The following FBXL2 variants were observed in gnomAD, a reference collection of about 807,000 sequenced individuals.
FBXL2 encodes the protein F-box and leucine rich repeat protein 2, also known as F-box/LRR-repeat protein 2.
FBXL2 carries 38 observed loss-of-function variants against 69.2 expected under a neutral mutation model. The ratio of observed to expected loss-of-function variants is 0.55; its 90% CI spans 0.42 to 0.72. The LOEUF (loss-of-function observed/expected upper bound fraction) is 0.72. Ranked by LOEUF, FBXL2 falls within the 30% of genes least tolerant of loss-of-function variation. FBXL2 has a pLI of 0.00. For missense variants in FBXL2, 354 were observed against 520.3 expected (o/e 0.68, Z 3.11); for synonymous variants, 192 against 201.3 (o/e 0.95, Z 0.39).
chr3:33,380,171 G>A (rs1449779321), intron 13 of FBXL2, among the ~76,000 whole-genome samples: 2 of 146,622 alleles, frequency 1.4e-5, no homozygotes, highest in Non-Finnish European at 3.0e-5. Flanking sequence ...GTTGCAGTGA[G>A]CCAAGGTCAC....
At chr3:33,414,074 T>TAAATACTAA in the FBXL2 span, 3 of 146,464 alleles carry the variant, frequency 2.0e-5, no homozygotes, top group Non-Finnish European at 4.5e-5. Flanking sequence ...AGCCCCATTC[T>TAAATACTAA]AGAAGGTTGG....
Position 33,277,464 on chromosome 3 carries a change from C to T in FBXL2, c.-49C>T. ...GGCGTCACCAGGACAACGGGCGTCG[C>T]CGGCGCCGTGTGACTTCGGGCTGTG... On this transcript the variant is annotated 5_prime_UTR_variant, in exon 1 of 15. Transcript: ENST00000484457. 1.6e-6 allele frequency: 2 copies of T among 1,268,728 alleles called. No homozygotes were observed. The highest frequency in any genetic ancestry group is 2.0e-6 in the Non-Finnish European group (2 of 1,000,434). The allele number at this position is 1,268,728 out of a possible 1,614,324, so 78.6% of individuals were successfully genotyped here.
At chr3:33,321,359 CA>C (rs1314251672) in intron 2 of FBXL2, among the ~76,000 whole-genome samples, 11 of 150,270 alleles carry the variant, frequency 7.3e-5, no homozygotes. Flanking sequence ...GAAAAATGTG[CA>C]AAAAGCATTA....
rs1193302506 is a variant in FBXL2 at position 33,385,799 on chromosome 3, C to G, written c.*191C>G. The G allele has an allele frequency of 1.7e-6, 1 of 592,696 alleles. No homozygotes were observed. The highest frequency in any genetic ancestry group is 3.0e-6 in the Non-Finnish European group (1 of 332,122). The allele number at this position is 592,696 out of a possible 1,614,324, so 36.7% of individuals were successfully genotyped here. On this transcript the variant is annotated 3_prime_UTR_variant, in exon 15 of 15. Coordinates refer to ENST00000484457, the MANE Select transcript of FBXL2 (RefSeq NM_012157.5). Reference sequence around the variant, plus strand: ...CACCTTTATTCTGCTGTGAAACAATCAAATCAAAGCCTTGTGTCAGTTAAC... The same window carrying G: ...CACCTTTATTCTGCTGTGAAACAATGAAATCAAAGCCTTGTGTCAGTTAAC...
chr3:33,412,921 G>A, the FBXL2 span: 26 of 792,352 alleles, frequency 3.3e-5, no homozygotes, highest in Non-Finnish European at 5.8e-5. Flanking sequence ...TGTAGCAGTA[G>A]AACACATACA....
intron 5 of FBXL2, among the ~76,000 whole-genome samples, chr3:33,371,091 A>T (rs1227526838): frequency 6.6e-6 from 1 of 151,262 alleles, no homozygotes; most frequent in Admixed American, 6.6e-5. Context: ...CAAGTTCACT[A>T]ATCTTTTCTT....
At chr3:33,372,679 A>G in intron 5 of FBXL2, 1 of 228,806 alleles carries the variant, frequency 4.4e-6, no homozygotes, top group East Asian at 1.0e-4. Flanking sequence ...CTCTAGGGTA[A>G]GCAAGTGACA....
In FBXL2 at chr3:33,377,299, A is replaced by G. The variant is rs150743589; in HGVS notation, c.815A>G (p.His272Arg). 37 of 1,614,148 alleles carry G rather than the reference A, an allele frequency of 2.3e-5. No individual in the cohort carries two copies. The Admixed American group carries it at 5.2e-4, about 23-fold the overall frequency. Residue 272 changes from histidine to arginine, a missense_variant, in exon 11 of 15, where the codon CAT (histidine) becomes CGT (arginine). Transcript: ENST00000484457. ...ATTTTGGAGGCTGCCCGATGCTCCC[A>G]TTTGACTGACGCAGGTTTTACACTT... Reference protein sequence around the residue: ...LQILEAARCSHLTDAGFTLLA... With the variant: ...LQILEAARCSRLTDAGFTLLA...
chr3:33,340,159 CAG>C (rs969918765), intron 2 of FBXL2, among the ~76,000 whole-genome samples: 6 of 152,128 alleles, frequency 3.9e-5, no homozygotes, highest in African/African-American at 1.2e-4. Context: ...AAAGGCAAAA[CAG>C]AATCTTTTGG....
the FBXL2 span, chr3:33,408,873 C>T: frequency 7.8e-7 from 1 of 1,275,600 alleles, no homozygotes; most frequent in Non-Finnish European, 1.1e-6. Context: ...TTTCATGTCT[C>T]TTCAGTCCAA....
intron 12 of FBXL2, chr3:33,396,332 C>T: frequency 2.9e-6 from 4 of 1,368,550 alleles, no homozygotes; most frequent in Non-Finnish European, 4.1e-6. Flanking sequence ...CTGCCTTACA[C>T]ATGTACAAAT....
chr3:33,279,366 G>C (rs1410393440), intron 1 of FBXL2, among the ~76,000 whole-genome samples: 1 of 152,100 alleles, frequency 6.6e-6, no homozygotes, highest in Non-Finnish European at 1.5e-5. Context: ...CGCCTCCCGG[G>C]TACACGCCAT....
At chr3:33,412,467 T>C in the FBXL2 span, among the ~76,000 whole-genome samples, 2,116 of 151,114 alleles carry the variant, frequency 0.014, 22 homozygotes, top group South Asian at 0.026. Context: ...CCTGCAATCC[T>C]AGCTACTTGG....
In FBXL2 at chr3:33,385,829, G is replaced by A; in HGVS notation, c.*221G>A. ...CAAAGCCTTGTGTCAGTTAACACAT[G>A]ACAAGTGGTCTCAATGCAGCTAGGA... On this transcript the variant is annotated 3_prime_UTR_variant, in exon 15 of 15. Transcript: ENST00000484457. 3.6e-6 allele frequency: 2 copies of A among 562,828 alleles called. No homozygotes were observed. Among genetic ancestry groups the A allele is most frequent in the South Asian group, 4.0e-5 (2 of 49,506 alleles). The allele number at this position is 562,828 out of a possible 1,614,324, so 34.9% of individuals were successfully genotyped here.
chr3:33,354,478 A>C (rs573693205), intron 2 of FBXL2, among the ~76,000 whole-genome samples: 1 of 151,734 alleles, frequency 6.6e-6, no homozygotes, highest in Non-Finnish European at 1.5e-5. Flanking sequence ...ACGCCACTAC[A>C]CTCCAGCCTG....
At chr3:33,318,809 T>C (rs2037943166) in intron 2 of FBXL2, among the ~76,000 whole-genome samples, 1 of 152,222 alleles carries the variant, frequency 6.6e-6, no homozygotes, top group South Asian at 2.1e-4. Flanking sequence ...AATCCTCCTC[T>C]CTGTAGTTAT....
At chr3:33,412,620 A>G in the FBXL2 span, 1 of 818,186 alleles carries the variant, frequency 1.2e-6, no homozygotes, top group Non-Finnish European at 2.0e-6. Flanking sequence ...ACAAACACCA[A>G]AACTTTCCCC....
intron 12 of FBXL2, chr3:33,396,494 C>A: frequency 1.9e-6 from 1 of 514,668 alleles, no homozygotes; most frequent in Non-Finnish European, 3.5e-6. Flanking sequence ...AGACTCTAAA[C>A]CATTGAGATG....
intron 2 of FBXL2, among the ~76,000 whole-genome samples, chr3:33,348,508 G>A (rs370801564): frequency 1.3e-4 from 20 of 152,064 alleles, no homozygotes; most frequent in South Asian, 1.0e-3. Flanking sequence ...TTGTGATTCC[G>A]TATAAATTTT....
Sources: gnomAD v4.1 joint callset for allele counts (sites outside exome capture counted in the v4.1 genomes callset) on GRCh38, gnomAD v4.1.1 for gene constraint, MANE v1.5 for transcripts, NCBI Gene and HGNC (gene_info 2026-07-23, HGNC 2026-07-21) for gene names.